The following PEBP4 variants were observed in gnomAD, a reference collection of about 807,000 sequenced individuals.
PEBP4 encodes the protein phosphatidylethanolamine binding protein 4, also known as phosphatidylethanolamine-binding protein 4.
A neutral mutation model predicts 23.9 loss-of-function variants in PEBP4; 22 were observed. The observed-to-expected ratio is 0.92, with a 90% CI of 0.66 to 1.31. The LOEUF (loss-of-function observed/expected upper bound fraction) is 1.31, where lower values mean the gene tolerates loss of function less well. Ranked by LOEUF, PEBP4 falls within the 40% of genes most tolerant of loss-of-function variation. The pLI is 0.00. For missense variants in PEBP4, 324 were observed against 281.7 expected, an observed-to-expected ratio of 1.15 and a Z score of -1.07; for synonymous variants, 112 against 99.3, an observed-to-expected ratio of 1.13 and a Z score of -0.76.
At chr8:22,867,069 T>A (rs896384968) in intron 3 of PEBP4, among the ~76,000 whole-genome samples, 4 of 152,148 alleles carry the variant, frequency 2.6e-5, no homozygotes, top group African/African-American at 7.2e-5. Flanking sequence ...AGGCCTCAAA[T>A]CACATTTCTG....
intron 4 of PEBP4, among the ~76,000 whole-genome samples, chr8:22,753,363 G>A (rs559814427): frequency 1.1e-4 from 17 of 152,260 alleles, no homozygotes; most frequent in African/African-American, 3.4e-4. Flanking sequence ...TTCCAGCATC[G>A]AAACTGGGGG....
At chr8:22,728,551 TCTTTCTTTCTTC>T (rs1209164542) in intron 4 of PEBP4, among the ~76,000 whole-genome samples, 33 of 75,650 alleles carry the variant, frequency 4.4e-4, no homozygotes, top group African/African-American at 7.4e-4. Flanking sequence ...TTCCTTTCTT[TCTTTCTTTCTTC>T]CTTCCTTCCT....
chr8:22,887,224 C>A (rs1249605402), intron 3 of PEBP4: 2 of 152,042 alleles, frequency 1.3e-5, no homozygotes, highest in African/African-American at 4.8e-5. Context: ...TCTCAACTCA[C>A]TGCAACCTGC....
In PEBP4 at chr8:22,713,462, G is replaced by A. The variant is rs1563190920; in HGVS notation, c.592C>T (p.Gln198Ter). 1.2e-6 allele frequency: 2 copies of A among 1,613,984 alleles called. No individual in the cohort carries two copies. Among genetic ancestry groups the A allele is most frequent in the Admixed American group, 1.7e-5 (1 of 59,992 alleles). The change falls in exon 7 of 7, where the codon CAG becomes TAG. Residue 198 changes from glutamine to a stop codon, truncating the protein, a stop_gained. Transcript: ENST00000256404. LOFTEE classifies it low-confidence loss of function (END_TRUNC). ...EPEASTQFMT[Q>*]NYQDSPTLQA... ...AGGGTTGGTGAGTCCTGGTAGTTCT[G>A]GGTCATGAACTGGGTGCTTGCTTCA...
intron 2 of PEBP4, among the ~76,000 whole-genome samples, chr8:22,923,469 A>T (rs1287764033): frequency 6.6e-6 from 1 of 152,110 alleles, no homozygotes; most frequent in Non-Finnish European, 1.5e-5. Flanking sequence ...TGGGAGGCTG[A>T]GGTGGGAGGA....
chr8:22,743,870 G>T (rs1255009060), intron 4 of PEBP4, among the ~76,000 whole-genome samples: 1 of 152,208 alleles, frequency 6.6e-6, no homozygotes, highest in Non-Finnish European at 1.5e-5. Flanking sequence ...CGTGGAGGGT[G>T]GGGCTGGCCC....
intron 3 of PEBP4, among the ~76,000 whole-genome samples, chr8:22,878,753 G>A (rs1004883770): frequency 6.6e-6 from 1 of 152,206 alleles, no homozygotes; most frequent in African/African-American, 2.4e-5. Flanking sequence ...AGGGAACAGA[G>A]AGCAAACTGG....
chr8:22,860,718 T>C (rs1161894853), intron 3 of PEBP4, among the ~76,000 whole-genome samples: 1 of 152,232 alleles, frequency 6.6e-6, no homozygotes, highest in Non-Finnish European at 1.5e-5. Context: ...GACCCTCCGT[T>C]ACAAGTTAGT....
intron 2 of PEBP4, among the ~76,000 whole-genome samples, chr8:22,922,975 G>A (rs1809243647): frequency 1.3e-5 from 2 of 152,120 alleles, no homozygotes; most frequent in South Asian, 4.2e-4. Context: ...GACTTTTACT[G>A]GGCCACCCCA....
chr8:22,907,128 T>C (rs1218352698), intron 3 of PEBP4, among the ~76,000 whole-genome samples: 4 of 152,058 alleles, frequency 2.6e-5, no homozygotes, highest in African/African-American at 7.3e-5. Flanking sequence ...ACCATCCTAG[T>C]GCAAAGGCCC....
At chr8:22,780,768 C>T (rs956600071) in intron 4 of PEBP4, among the ~76,000 whole-genome samples, 21 of 152,244 alleles carry the variant, frequency 1.4e-4, no homozygotes, top group African/African-American at 4.6e-4. Context: ...ATCCTGAGGG[C>T]GTCTAAGGCT....
In PEBP4 at chr8:22,737,438, C is replaced by T. The variant is rs34438226; in HGVS notation, c.358-10218G>A. 1.5e-3 allele frequency among the ~76,000 whole-genome samples: 223 copies of T among 152,300 alleles called. 2 individuals are homozygous for T. The highest frequency in any genetic ancestry group is 2.6e-3 in the Non-Finnish European group (178 of 68,024). On this transcript the variant is annotated intron_variant, in intron 4 of 6. Coordinates refer to ENST00000256404, the MANE Select transcript of PEBP4 (RefSeq NM_144962.3). Reference sequence around the variant, plus strand: ...GGGGACCCACCTCTTGCGGAGTGCCCGTGGTGCGCAGGCATCTCGCCATGG... The same window carrying T: ...GGGGACCCACCTCTTGCGGAGTGCCTGTGGTGCGCAGGCATCTCGCCATGG...
At chr8:22,842,181 T>C (rs1273585103) in intron 3 of PEBP4, among the ~76,000 whole-genome samples, 1 of 152,224 alleles carries the variant, frequency 6.6e-6, no homozygotes, top group African/African-American at 2.4e-5. Flanking sequence ...CTCGTCTAAT[T>C]CATTATCCCC....
intron 3 of PEBP4, among the ~76,000 whole-genome samples, chr8:22,899,841 G>C (rs1585332349): frequency 6.6e-6 from 1 of 152,350 alleles, no homozygotes; most frequent in East Asian, 1.9e-4. Context: ...CCCTGGGACA[G>C]AAGGGATGAC....
At chr8:22,910,105 T>G (rs1275225545) in intron 3 of PEBP4, among the ~76,000 whole-genome samples, 1 of 152,242 alleles carries the variant, frequency 6.6e-6, no homozygotes, top group Non-Finnish European at 1.5e-5. Context: ...AGCTGCACTC[T>G]CCTGCTGATC....
chr8:22,937,348 A>C (rs184550175), intron 1 of PEBP4, among the ~76,000 whole-genome samples: 47 of 152,348 alleles, frequency 3.1e-4, no homozygotes, highest in African/African-American at 1.1e-3. Flanking sequence ...TTATGATTAC[A>C]TAAAGCAGAA....
chr8:22,869,710 A>G (rs1421776149), intron 3 of PEBP4, among the ~76,000 whole-genome samples: 1 of 152,242 alleles, frequency 6.6e-6, no homozygotes, highest in Admixed American at 6.5e-5. Context: ...AAACATAACC[A>G]TAGGAAAATG....
At chr8:22,817,761 T>G in intron 3 of PEBP4, 26 bp from the exon 4 acceptor site, 1 of 1,598,186 alleles carries the variant, frequency 6.3e-7, no homozygotes, top group South Asian at 1.1e-5. Flanking sequence ...CGAAAAGTAA[T>G]GTAGCGTCAT....
chr8:22,930,247 C>A (rs1809433725), upstream of PEBP4, among the ~76,000 whole-genome samples: 1 of 152,172 alleles, frequency 6.6e-6, no homozygotes, highest in Non-Finnish European at 1.5e-5. Flanking sequence ...AGGCACTGAC[C>A]CTGCTTCCCA....
Sources: allele counts gnomAD v4.1 joint callset (sites outside exome capture counted in the v4.1 genomes callset), GRCh38; gene constraint gnomAD v4.1.1; transcripts MANE v1.5; gene names NCBI Gene and HGNC (gene_info 2026-07-23, HGNC 2026-07-21).